The following UBR4 variants were observed in gnomAD, a reference collection of about 807,000 sequenced individuals.
UBR4 encodes the protein ubiquitin protein ligase E3 component n-recognin 4, also known as E3 ubiquitin-protein ligase UBR4.
UBR4 carries 124 observed loss-of-function variants against 575.6 expected under a neutral mutation model. The observed-to-expected ratio is 0.22, with a 90% CI of 0.19 to 0.25. The LOEUF (loss-of-function observed/expected upper bound fraction) is 0.25. Among genes scored for constraint, UBR4 ranks in the 10% least tolerant of loss-of-function variants. UBR4 has a pLI of 1.00. For synonymous variants in UBR4, 2,455 were observed against 2,473.7 expected, an observed-to-expected ratio of 0.99 and a Z score of 0.22; for missense variants, 4,818 against 6,478.8, an observed-to-expected ratio of 0.74 and a Z score of 8.80.
chr1:19,168,977 C>CA (rs35946919), intron 27 of UBR4, among the ~76,000 whole-genome samples: 3,285 of 117,136 alleles, frequency 0.028, 159 homozygotes, highest in African/African-American at 0.091. Context: ...GACTCCGTCT[C>CA]AAAAAAAAAA....
intron 25 of UBR4, among the ~76,000 whole-genome samples, chr1:19,171,414 G>T (rs911228518): frequency 6.6e-6 from 1 of 151,992 alleles, no homozygotes; most frequent in African/African-American, 2.4e-5. Context: ...ATACATATTT[G>T]TTTGGCTCAA....
Position 19,190,133 on chromosome 1 carries a change from A to C in UBR4, c.1394+2055T>G, listed in dbSNP as rs71645439. On this transcript the variant is annotated intron_variant, in intron 11 of 105. Coordinates refer to ENST00000375254, the MANE Select transcript of UBR4 (RefSeq NM_020765.3). The stretch of plus-strand genomic sequence containing the variant: ...GAAACCCCAACTCTATTAAAAATAC[A>C]AAAAAAAAAAATCAGCTGGGCATGG... 4.3e-5 allele frequency among the ~76,000 whole-genome samples: 6 copies of C among 138,076 alleles called. No homozygotes were observed. In the East Asian group the frequency reaches 1.2e-3, roughly 28 times the overall value. The allele number at this position is 138,076 out of a possible 152,430, so 90.6% of individuals were successfully genotyped here. A position where few individuals can be genotyped will look rare whatever the true frequency, so the allele number is the denominator to read the frequency against.
chr1:19,124,999 AG>A (rs1303505115), intron 64 of UBR4, among the ~76,000 whole-genome samples: 1 of 152,162 alleles, frequency 6.6e-6, no homozygotes, highest in Non-Finnish European at 1.5e-5. Context: ...AGTGCTAGAA[AG>A]GCCAAAAAAA....
chr1:19,174,833 C>G, intron 21 of UBR4, 121 bp downstream of exon 21: 1 of 908,876 alleles, frequency 1.1e-6, no homozygotes, highest in Non-Finnish European at 1.7e-6. Context: ...AAGCTCAAAT[C>G]GTAACACAGA....
chr1:19,189,296 T>G (rs1460591876), intron 11 of UBR4, among the ~76,000 whole-genome samples: 1 of 152,218 alleles, frequency 6.6e-6, no homozygotes, highest in Non-Finnish European at 1.5e-5. Flanking sequence ...TGTTTAAATA[T>G]GTGAGCCCTT....
chr1:19,114,753 T>C (rs1408035850), intron 75 of UBR4, 58 bp downstream of exon 75: 2 of 1,603,076 alleles, frequency 1.2e-6, no homozygotes, highest in Non-Finnish European at 1.7e-6. Flanking sequence ...CTGCACCAGG[T>C]CTGCCCAAAG....
At position 19,100,125 on chromosome 1, in the gene UBR4, A is replaced by C; in HGVS notation, c.13221+251T>G. 1.9e-6 allele frequency: 1 copy of C among 531,158 alleles called. No homozygotes were observed. Among genetic ancestry groups the C allele is most frequent in the Non-Finnish European group, 3.3e-6 (1 of 300,650 alleles). 32.9% of individuals were successfully genotyped at this position (531,158 alleles called of 1,614,324 possible). On this transcript the variant is annotated intron_variant, in intron 89 of 105. Coordinates refer to ENST00000375254, the MANE Select transcript of UBR4 (RefSeq NM_020765.3). The surrounding 1 kb of genome is among the most constrained non-coding windows in gnomAD (Gnocchi z 4.2). ...ATAACGATAATAAATACCCACCACC[A>C]CTACAACCAACAGCCATTAACAATA...
chr1:19,140,923 TC>T (rs1269224692), intron 57 of UBR4, 31 bp from the exon 58 acceptor site: 4 of 1,574,884 alleles, frequency 2.5e-6, no homozygotes, highest in Non-Finnish European at 2.6e-6. Flanking sequence ...GAGCACAACA[TC>T]CCCTCCAGGT....
Position 19,200,954 on chromosome 1 carries a change from G to A in UBR4, c.274+764C>T, listed in dbSNP as rs146782014. Among the ~76,000 whole-genome samples the A allele has an allele frequency of 4.1e-4, 62 of 152,258 alleles. No individual in the cohort carries two copies. The East Asian group carries it at 0.01, about 25-fold the overall frequency. Reference sequence around the variant, plus strand: ...AGCCCAGGACTTCCAGACCAGCCTGGGCAACATAGAGAGACCCTGTCACTA... The same window carrying A: ...AGCCCAGGACTTCCAGACCAGCCTGAGCAACATAGAGAGACCCTGTCACTA... On this transcript the variant is annotated intron_variant, in intron 2 of 105. Transcript: ENST00000375254.
Position 19,100,268 on chromosome 1 carries a change from C to T in UBR4, c.13221+108G>A. 1 of 1,244,908 alleles carries T rather than the reference C, an allele frequency of 8.0e-7. No homozygotes were observed. The highest frequency in any genetic ancestry group is 1.1e-6 in the Non-Finnish European group (1 of 870,120). 77.1% of individuals were successfully genotyped at this position (1,244,908 alleles called of 1,614,324 possible). ...ACTTACAGAGTGGAGAAACTGAAGG[C>T]CACCTGCCCCAAGTTAATCAGCTAC... On this transcript the variant is annotated intron_variant, in intron 89 of 105. Coordinates refer to ENST00000375254, the MANE Select transcript of UBR4 (RefSeq NM_020765.3). This position sits in a 1 kb window ranked among gnomAD's most constrained non-coding sequence, Gnocchi z 4.2.
chr1:19,170,218 G>A (rs2089291719), intron 26 of UBR4, among the ~76,000 whole-genome samples: 1 of 152,080 alleles, frequency 6.6e-6, no homozygotes, highest in Non-Finnish European at 1.5e-5. Context: ...GGCAACATAG[G>A]AAGACCTCAT....
intron 85 of UBR4, 163 bp from the exon 86 acceptor site, chr1:19,104,829 G>T: frequency 1.9e-6 from 2 of 1,066,008 alleles, no homozygotes; most frequent in Non-Finnish European, 1.4e-6. Flanking sequence ...TCACAGCGCT[G>T]GTAAGGGATT....
At chr1:19,078,367 G>C (rs2076165323) in intron 103 of UBR4, 1 of 287,448 alleles carries the variant, frequency 3.5e-6, no homozygotes, top group South Asian at 4.5e-5. Flanking sequence ...CGTGGCAAAT[G>C]CAAGGCTAGT....
intron 2 of UBR4, among the ~76,000 whole-genome samples, chr1:19,201,509 G>A (rs1030546233): frequency 6.6e-6 from 1 of 152,228 alleles, no homozygotes; most frequent in Admixed American, 6.5e-5. Context: ...TCCAAGCCAA[G>A]TAGTTTTAAA....
chr1:19,089,465 C>T lies in UBR4; in HGVS notation c.14212-488G>A, dbSNP rs2077311562. The stretch of plus-strand genomic sequence containing the variant: ...AACCTAGGAGCACAGTTTTCTCAGG[C>T]TAGGGATACTAGAGGTGCAATGACT... On this transcript the variant is annotated intron_variant, in intron 97 of 105. Coordinates refer to ENST00000375254, the MANE Select transcript of UBR4 (RefSeq NM_020765.3). This position sits in a 1 kb window ranked among gnomAD's most constrained non-coding sequence, Gnocchi z 4.3. 6.6e-6 allele frequency among the ~76,000 whole-genome samples: 1 copy of T among 152,126 alleles called. No homozygotes were observed. Among genetic ancestry groups the T allele is most frequent in the African/African-American group, 2.4e-5 (1 of 41,414 alleles).
intron 1 of UBR4, among the ~76,000 whole-genome samples, chr1:19,204,659 G>A (rs2092918850): frequency 6.6e-6 from 1 of 152,024 alleles, no homozygotes; most frequent in African/African-American, 2.4e-5. Flanking sequence ...AAAGAAACAG[G>A]AAGAATGCAT....
At chr1:19,136,111 G>GTA (rs2083174897) in intron 60 of UBR4, among the ~76,000 whole-genome samples, 1 of 152,100 alleles carries the variant, frequency 6.6e-6, no homozygotes, top group Admixed American at 6.5e-5. Context: ...ATCCCCAAAT[G>GTA]TAAGTTCAAT....
Position 19,152,009 on chromosome 1 carries a change from T to C in UBR4, c.6997-150A>G. 1 of 873,064 alleles carries C rather than the reference T, an allele frequency of 1.1e-6. No homozygotes were observed. The highest frequency in any genetic ancestry group is 1.9e-5 in the South Asian group (1 of 51,854). The allele number at this position is 873,064 out of a possible 1,614,324, so 54.1% of individuals were successfully genotyped here. On this transcript the variant is annotated intron_variant, in intron 47 of 105. Coordinates refer to ENST00000375254, the MANE Select transcript of UBR4 (RefSeq NM_020765.3). This position sits in a 1 kb window ranked among gnomAD's most constrained non-coding sequence, Gnocchi z 4.4. ...GTAATGACTTCCTTGTTTCTAAAAA[T>C]GGGAAAATAGGAAAAGAGAGCAGAT... is the stretch of plus-strand genomic sequence containing the variant.
At position 19,126,427 on chromosome 1, in the gene UBR4, G is replaced by T; in HGVS notation, c.9438+19C>A. ...CTGAACAAAGGACGAGTGTTTCTTT[G>T]ATGAGGGAAAGATCTCACCTTCACA... On this transcript the variant is annotated intron_variant, in intron 64 of 105. Coordinates refer to ENST00000375254, the MANE Select transcript of UBR4 (RefSeq NM_020765.3). The T allele has an allele frequency of 6.2e-7, 1 of 1,613,950 alleles. No individual in the cohort carries two copies. The highest frequency in any genetic ancestry group is 8.5e-7 in the Non-Finnish European group (1 of 1,179,808).
Sources: allele counts gnomAD v4.1 joint callset (sites outside exome capture counted in the v4.1 genomes callset), GRCh38; gene constraint gnomAD v4.1.1; non-coding constraint Gnocchi (gnomAD v3.1); transcripts MANE v1.5; gene names NCBI Gene and HGNC (gene_info 2026-07-23, HGNC 2026-07-21).